Variants in ABR observed in about 807,000 individuals in gnomAD.
ABR encodes the protein ABR activator of RhoGEF and GTPase, also known as active breakpoint cluster region-related protein.
Under a neutral mutation model 107.2 loss-of-function variants are expected in ABR, and 35 were observed. The observed-to-expected ratio is 0.33, with a 90% CI of 0.25 to 0.43. ABR has a LOEUF of 0.43. ABR is among the 20% of genes least tolerant of loss of function. The pLI is 1.00. For synonymous variants in ABR, 498 were observed against 462.0 expected (o/e 1.08, Z -1.00); for missense variants, 815 against 1,115.2 (o/e 0.73, Z 3.83).
At chr17:1,108,891 C>G (rs1288772060) in intron 2 of ABR, 4 of 1,541,606 alleles carry the variant, frequency 2.6e-6, no homozygotes, top group East Asian at 2.6e-5. Flanking sequence ...TCGGCAGCGC[C>G]GGCCCGGCCC....
intron 6 of ABR, among the ~76,000 whole-genome samples, chr17:1,077,707 C>G (rs982839464): frequency 3.9e-5 from 6 of 152,144 alleles, no homozygotes; most frequent in African/African-American, 1.4e-4. Context: ...AGTCAGCCTT[C>G]GACAAGGAGC....
intron 10 of ABR, among the ~76,000 whole-genome samples, chr17:1,061,271 C>A (rs892173912): frequency 6.8e-6 from 1 of 147,278 alleles, no homozygotes; most frequent in Non-Finnish European, 1.5e-5. Context: ...CTCCCAGGGG[C>A]GGGTGGGAAA....
intron 1 of ABR, among the ~76,000 whole-genome samples, chr17:1,226,890 G>T (rs1421931572): frequency 6.7e-6 from 1 of 148,652 alleles, no homozygotes. Context: ...GTGCATGCAT[G>T]TAACCAAGTG....
At chr17:1,196,941 G>A (rs998556982) in intron 1 of ABR, among the ~76,000 whole-genome samples, 7 of 151,654 alleles carry the variant, frequency 4.6e-5, no homozygotes, top group African/African-American at 9.8e-5. Context: ...TGATCCATCC[G>A]CCTCGGCCTC....
chr17:1,201,139 A>G (rs1201521191), intron 1 of ABR, among the ~76,000 whole-genome samples: 1 of 152,242 alleles, frequency 6.6e-6, no homozygotes, highest in Non-Finnish European at 1.5e-5. Context: ...GGTGCCCCTC[A>G]GGCAGCCGCA....
intron 10 of ABR, among the ~76,000 whole-genome samples, chr17:1,060,337 G>T (rs553660237): frequency 8.7e-4 from 133 of 152,238 alleles, no homozygotes; most frequent in African/African-American, 3.0e-3. Flanking sequence ...TTGAACCCGG[G>T]AGGTGGAAGT....
chr17:1,100,601 G>A (rs1312889511), intron 3 of ABR, 36 bp downstream of exon 3: 1 of 1,593,968 alleles, frequency 6.3e-7, no homozygotes, highest in Non-Finnish European at 8.6e-7. Context: ...CACGGGCGGG[G>A]GGACCGGAAG....
intron 1 of ABR, among the ~76,000 whole-genome samples, chr17:1,167,458 G>A (rs1481407934): frequency 6.6e-6 from 1 of 152,224 alleles, no homozygotes; most frequent in African/African-American, 2.4e-5. Context: ...GTGTTGCGGG[G>A]AAGGGAGAAC....
At chr17:1,222,859 T>C (rs1018032751) in intron 1 of ABR, among the ~76,000 whole-genome samples, 6 of 151,956 alleles carry the variant, frequency 3.9e-5, no homozygotes, top group African/African-American at 1.5e-4. Context: ...CAGTGAGCTG[T>C]GTTCATGCCA....
rs2150738329 is a variant in ABR at position 1,210,216 on chromosome 17, A to T, written c.838+18577T>A. On this transcript the variant is annotated intron_variant, in intron 1 of 22. Transcript: ENST00000574139. This position sits in a 1 kb window ranked among gnomAD's most constrained non-coding sequence, Gnocchi z 5.6. ...GGCTGTCACTTTTTACCTGCGTAGAAAGTTCTGACCTAAGCCGGGCGCCGT... is the reference window on the plus strand; with the variant it reads ...GGCTGTCACTTTTTACCTGCGTAGATAGTTCTGACCTAAGCCGGGCGCCGT... Among the ~76,000 whole-genome samples, 1 of 152,268 alleles carries T rather than the reference A, an allele frequency of 6.6e-6. No individual in the cohort carries two copies. Among genetic ancestry groups the T allele is most frequent in the South Asian group, 2.1e-4 (1 of 4,826 alleles).
intron 16 of ABR, among the ~76,000 whole-genome samples, chr17:1,047,127 G>A (rs967087603): frequency 1.3e-5 from 2 of 152,244 alleles, no homozygotes; most frequent in Non-Finnish European, 2.9e-5. Context: ...AGAGAGAAGT[G>A]GGGGCCTCAG....
upstream of ABR, among the ~76,000 whole-genome samples, chr17:1,188,237 A>C (rs1035724134): frequency 1.3e-5 from 2 of 151,776 alleles, no homozygotes; most frequent in African/African-American, 4.8e-5. Flanking sequence ...TAAAAATAAC[A>C]ATGTGTGGGA....
In ABR at chr17:1,157,679, C is replaced by T. The variant is rs1460421027; in HGVS notation, c.61+21988G>A. The stretch of plus-strand genomic sequence containing the variant: ...CGGAACAGGGGGAAGCCAACAATCC[C>T]GGCAGATGAAGGAAAGGAACCGGCA... On this transcript the variant is annotated intron_variant, in intron 1 of 22. Coordinates refer to ENST00000302538, the MANE Select transcript of ABR (RefSeq NM_021962.5). The surrounding 1 kb of genome is among the most constrained non-coding windows in gnomAD (Gnocchi z 4.7). 1.3e-5 allele frequency among the ~76,000 whole-genome samples: 2 copies of T among 152,234 alleles called. No homozygotes were observed. Among genetic ancestry groups the T allele is most frequent in the East Asian group, 1.9e-4 (1 of 5,192 alleles).
chr17:1,082,922 G>A (rs1450663147), intron 5 of ABR, among the ~76,000 whole-genome samples: 1 of 151,966 alleles, frequency 6.6e-6, no homozygotes, highest in Non-Finnish European at 1.5e-5. Context: ...ACCCGAGTTC[G>A]AGACCAGCCT....
intron 1 of ABR, among the ~76,000 whole-genome samples, chr17:1,172,748 T>G (rs2041762212): frequency 6.7e-6 from 1 of 149,702 alleles, no homozygotes; most frequent in Non-Finnish European, 1.5e-5. Flanking sequence ...AGACTCCATC[T>G]CAAAAAAAAA....
At chr17:1,217,131 G>A (rs2043025253) in intron 1 of ABR, among the ~76,000 whole-genome samples, 2 of 152,090 alleles carry the variant, frequency 1.3e-5, no homozygotes, top group Admixed American at 1.3e-4. Context: ...AAATAAAACG[G>A]AAAGGCGCAA....
At chr17:1,060,519 G>A (rs752841354) in intron 10 of ABR, among the ~76,000 whole-genome samples, 14 of 152,092 alleles carry the variant, frequency 9.2e-5, no homozygotes, top group Non-Finnish European at 1.6e-4. Context: ...TTGGACACGC[G>A]GGCGCACACC....
chr17:1,106,615 T>C (rs1027375400), intron 2 of ABR, among the ~76,000 whole-genome samples: 3 of 147,190 alleles, frequency 2.0e-5, no homozygotes, highest in Non-Finnish European at 4.5e-5. Flanking sequence ...CTGCAACCTC[T>C]GCCTCCCAGG....
chr17:1,079,788 C>CAAAAAAAAAAAAAAAAAAAAAAAAAAAAA (rs57412625), intron 5 of ABR, among the ~76,000 whole-genome samples: 1 of 55,112 alleles, frequency 1.8e-5, no homozygotes, highest in African/African-American at 5.6e-5. Context: ...GACTCTGTCT[C>CAAAAAAAAAAAAAAAAAAAAAAAAAAAAA]AAAAAAAAAA....
Sources: gnomAD v4.1 joint callset for allele counts (sites outside exome capture counted in the v4.1 genomes callset) on GRCh38, gnomAD v4.1.1 for gene constraint, Gnocchi (gnomAD v3.1) non-coding constraint, MANE v1.5 for transcripts, NCBI Gene and HGNC (gene_info 2026-07-23, HGNC 2026-07-21) for gene names.